Variants in NAALADL2 observed in about 807,000 individuals in gnomAD.
NAALADL2 encodes the protein N-acetylated alpha-linked acidic dipeptidase like 2, also known as inactive N-acetylated-alpha-linked acidic dipeptidase-like protein 2.
Under a neutral mutation model 87.2 loss-of-function variants are expected in NAALADL2, and 76 were observed. The observed-to-expected ratio is 0.87, with a 90% CI of 0.72 to 1.05. The LOEUF (loss-of-function observed/expected upper bound fraction) is 1.05, where lower values mean the gene tolerates loss of function less well. Ranked by LOEUF, NAALADL2 falls within the 50% of genes least tolerant of loss-of-function variation. The probability of loss-of-function intolerance (pLI) is 0.00; values close to 1 mark genes in which losing one functional copy is unlikely to be tolerated. For missense variants in NAALADL2, 1,089 were observed against 945.8 expected (o/e 1.15, Z -1.99); for synonymous variants, 354 against 331.0 (o/e 1.07, Z -0.75).
intron 3 of NAALADL2, among the ~76,000 whole-genome samples, chr3:175,247,141 T>C (rs1276942343): frequency 2.6e-5 from 4 of 152,182 alleles, no homozygotes; most frequent in African/African-American, 9.6e-5. Context: ...TATTTACTAT[T>C]GACTTCACAC....
intron 2 of NAALADL2, among the ~76,000 whole-genome samples, chr3:174,576,065 G>A (rs1355006188): frequency 1.3e-5 from 2 of 152,028 alleles, no homozygotes; most frequent in African/African-American, 2.4e-5. Context: ...GCTTTGCCAT[G>A]TTGGTCAGGC....
chr3:175,191,875 GT>G (rs1343634441), intron 2 of NAALADL2, among the ~76,000 whole-genome samples: 5 of 152,118 alleles, frequency 3.3e-5, no homozygotes, highest in Non-Finnish European at 2.9e-5. Context: ...AAAATAATAG[GT>G]TTAAGAGTAT....
intron 1 of NAALADL2, among the ~76,000 whole-genome samples, chr3:174,465,542 G>A (rs1180395364): frequency 1.3e-5 from 2 of 152,060 alleles, no homozygotes; most frequent in Non-Finnish European, 2.9e-5. Context: ...TAGTTGTTAG[G>A]TTTGAATTAT....
At chr3:175,162,804 C>G (rs887325516) in intron 2 of NAALADL2, among the ~76,000 whole-genome samples, 1 of 151,988 alleles carries the variant, frequency 6.6e-6, no homozygotes, top group Non-Finnish European at 1.5e-5. Context: ...CCTTTGTTGT[C>G]TTTTCTCTCT....
chr3:175,588,164 A>AGTAT (rs1193786033), intron 10 of NAALADL2, among the ~76,000 whole-genome samples: 11 of 152,182 alleles, frequency 7.2e-5, no homozygotes, highest in African/African-American at 2.7e-4. Flanking sequence ...TGGTAGGAAA[A>AGTAT]GTATGTATAT....
At position 174,521,571 on chromosome 3, in the gene NAALADL2, CAAAAAAAAAAAAAAAAA is replaced by C. The variant is rs58465181; in HGVS notation, c.-183-28989_-183-28973del. 5.3e-5 allele frequency among the ~76,000 whole-genome samples: 3 copies of C among 56,194 alleles called. No homozygotes were observed. In the East Asian group the frequency reaches 1.6e-3, roughly 30 times the overall value. The allele number at this position is 56,194 out of a possible 152,430, so 36.9% of individuals were successfully genotyped here. ...TGGGCGACAGGGCTAGACCCTGTCT[CAAAAAAAAAAAAAAAAA>C]AAAAAAAAGAAAAGAAAAGAAATAC... On this transcript the variant is annotated intron_variant, in intron 1 of 3. Transcript: ENST00000434257.
chr3:175,592,552 T>G (rs1582541666), intron 10 of NAALADL2, among the ~76,000 whole-genome samples: 1 of 152,098 alleles, frequency 6.6e-6, no homozygotes, highest in Non-Finnish European at 1.5e-5. Context: ...TGGAATACTA[T>G]GCAGCCATAA....
chr3:175,329,095 C>T (rs928283261), intron 5 of NAALADL2, among the ~76,000 whole-genome samples: 1 of 152,176 alleles, frequency 6.6e-6, no homozygotes, highest in Non-Finnish European at 1.5e-5. Flanking sequence ...CTCCAGGTAA[C>T]TGGTAATCTA....
chr3:174,568,541 A>G (rs920068368), intron 2 of NAALADL2, among the ~76,000 whole-genome samples: 99 of 152,034 alleles, frequency 6.5e-4, no homozygotes, highest in Admixed American at 5.4e-3. Flanking sequence ...AAAGGGCTGT[A>G]AGAAGGCAAT....
At chr3:175,477,889 C>CT (rs1167949486) in intron 9 of NAALADL2, among the ~76,000 whole-genome samples, 145 of 151,882 alleles carry the variant, frequency 9.5e-4, no homozygotes, top group Admixed American at 2.2e-3. Context: ...TTACTTGCAA[C>CT]TTTTTTTTCC....
intron 3 of NAALADL2, among the ~76,000 whole-genome samples, chr3:174,849,040 T>G (rs1180405433): frequency 6.6e-6 from 1 of 152,124 alleles, no homozygotes; most frequent in Non-Finnish European, 1.5e-5. Context: ...AAATATGATA[T>G]AAAAGATTAG....
chr3:174,882,687 A>G (rs932861546), intron 1 of NAALADL2, among the ~76,000 whole-genome samples: 1 of 147,498 alleles, frequency 6.8e-6, no homozygotes, highest in Non-Finnish European at 1.5e-5. Context: ...GTATATGTGT[A>G]TCCGTGTATA....
intron 10 of NAALADL2, among the ~76,000 whole-genome samples, chr3:175,593,957 T>C (rs1228070028): frequency 3.3e-5 from 5 of 150,972 alleles, no homozygotes; most frequent in African/African-American, 4.9e-5. Context: ...GGAAATAGGT[T>C]TCTTACTTGA....
chr3:175,434,846 A>G (rs1718358529), intron 5 of NAALADL2, among the ~76,000 whole-genome samples: 1 of 152,114 alleles, frequency 6.6e-6, no homozygotes, highest in East Asian at 1.9e-4. Context: ...TATTCCAGTT[A>G]TGAATCTAGA....
intron 2 of NAALADL2, among the ~76,000 whole-genome samples, chr3:175,202,480 C>T (rs1740192398): frequency 6.6e-6 from 1 of 152,074 alleles, no homozygotes; most frequent in African/African-American, 2.4e-5. Flanking sequence ...AAGAAATGTC[C>T]CACACAACAT....
chr3:175,499,624 C>T (rs1357911589), intron 9 of NAALADL2, among the ~76,000 whole-genome samples: 2 of 151,822 alleles, frequency 1.3e-5, no homozygotes, highest in Admixed American at 6.6e-5. Context: ...GCGACAGGTC[C>T]GTGATTCGGA....
At chr3:174,647,774 C>T (rs1198899736) in intron 2 of NAALADL2, among the ~76,000 whole-genome samples, 3 of 152,154 alleles carry the variant, frequency 2.0e-5, no homozygotes, top group Non-Finnish European at 4.4e-5. Flanking sequence ...CCTTGATTGA[C>T]TGTTTCTTCT....
intron 13 of NAALADL2, among the ~76,000 whole-genome samples, chr3:175,767,371 A>C (rs145986263): frequency 1.8e-4 from 28 of 152,292 alleles, no homozygotes; most frequent in African/African-American, 5.8e-4. Context: ...ATAATCCTTA[A>C]AAAACTGCAA....
rs116135045 is a variant in NAALADL2, at chr3:174,673,456, T to C, written c.-114-64185T>C. Among the ~76,000 whole-genome samples the C allele has an allele frequency of 8.1e-3, 1,237 of 152,154 alleles. 18 individuals are homozygous for C. The highest frequency in any genetic ancestry group is 0.029 in the African/African-American group (1,186 of 41,528). ...CTTAATGAATGAAGATAATGTGGTA[T>C]GTGTACACAGTGGAATACTGTTCAG... On this transcript the variant is annotated intron_variant, in intron 2 of 3. Coordinates refer to the NAALADL2 transcript ENST00000434257.
Sources: gnomAD v4.1 joint callset for allele counts (sites outside exome capture counted in the v4.1 genomes callset) on GRCh38, gnomAD v4.1.1 for gene constraint, MANE v1.5 for transcripts, NCBI Gene and HGNC (gene_info 2026-07-23, HGNC 2026-07-21) for gene names.